The following FANCB variants were observed in gnomAD, a reference collection of about 807,000 sequenced individuals.
FANCB encodes the protein Fanconi anemia group B protein.
In FANCB, 5 loss-of-function variants were observed where a neutral mutation model predicts 38.9. The ratio of observed to expected loss-of-function variants is 0.13; its 90% confidence interval spans 0.07 to 0.27. The LOEUF is 0.27. Ranked by LOEUF, FANCB falls within the 10% of genes least tolerant of loss-of-function variation. The pLI is 1.00. For synonymous variants in FANCB, 236 were observed against 215.4 expected (o/e 1.10, Z -0.84); for missense variants, 573 against 602.7 (o/e 0.95, Z 0.52).
At chrX:14,748,912 T>C in the FANCB span, among the ~76,000 whole-genome samples, 1 of 112,187 alleles carries the variant, frequency 8.9e-6, no homozygotes, top group East Asian at 2.8e-4. Flanking sequence ...CTTGATAGTG[T>C]ATAGAAGACA....
At chrX:14,813,299 T>C in the FANCB span, among the ~76,000 whole-genome samples, 2,684 of 104,630 alleles carry the variant, frequency 0.026, 90 homozygotes, top group African/African-American at 0.09. Context: ...CAACATAGTG[T>C]TGGAAGTTCT....
At chrX:14,811,064 G>C in the FANCB span, among the ~76,000 whole-genome samples, 843 of 109,515 alleles carry the variant, frequency 7.7e-3, 15 homozygotes, top group African/African-American at 0.026. Flanking sequence ...TCCAGCCAAA[G>C]TAAGCTTCAT....
At chrX:14,740,480 C>T in the FANCB span, among the ~76,000 whole-genome samples, 360 of 111,570 alleles carry the variant, frequency 3.2e-3, 1 homozygote, top group African/African-American at 0.011. Context: ...TTTGCACTAG[C>T]CAATTCGTCT....
At chrX:14,741,219 A>T in the FANCB span, among the ~76,000 whole-genome samples, 2 of 111,702 alleles carry the variant, frequency 1.8e-5, no homozygotes, top group Non-Finnish European at 3.8e-5. Flanking sequence ...CACTGTCAAA[A>T]CTTAAGTAGG....
At chrX:14,814,383 C>A in the FANCB span, among the ~76,000 whole-genome samples, 3 of 112,160 alleles carry the variant, frequency 2.7e-5, no homozygotes, top group South Asian at 3.7e-4. Context: ...TCAGAGTGAA[C>A]AGGCAACCTA....
At chrX:14,760,117 C>T in the FANCB span, among the ~76,000 whole-genome samples, 5 of 112,000 alleles carry the variant, frequency 4.5e-5, no homozygotes. Context: ...ACAAAATAAC[C>T]AGCTAACATC....
At position 14,845,145 on chromosome X, in the gene FANCB, T is replaced by A. The variant is rs753355273; in HGVS notation, c.1638A>T (p.Gly546=). The change falls in exon 8 of 10, where the codon GGA becomes GGT. Residue 546 remains glycine, a synonymous_variant. Coordinates refer to ENST00000650831, the MANE Select transcript of FANCB (RefSeq NM_001018113.3). ...TCAACGTGACCCTTTTTGCTTCCAA[T>A]CCTATTTCACATGGCATCAAGTATG... ...PAPYLMPCEI[G]LEAKRVTLTP... is the part of the protein sequence containing the mutation. 6.6e-6 allele frequency: 8 copies of A among 1,211,501 alleles called. No homozygotes were observed. The Middle Eastern group carries it at 1.6e-3, about 244-fold the overall frequency.
chrX:14,729,855 G>A, the FANCB span, among the ~76,000 whole-genome samples: 1 of 112,039 alleles, frequency 8.9e-6, no homozygotes, highest in Non-Finnish European at 1.9e-5. Context: ...GACTTACAGT[G>A]TAACACTGGG....
At chrX:14,858,063 C>A in intron 4 of FANCB, 109 bp from the exon 5 acceptor site, 2 of 532,390 alleles carry the variant, frequency 3.8e-6, no homozygotes, top group Non-Finnish European at 6.3e-6. Context: ...AGAACAGTTT[C>A]CCTAGTGTGT....
chrX:14,728,236 AC>A, the FANCB span, among the ~76,000 whole-genome samples: 8 of 110,283 alleles, frequency 7.3e-5, no homozygotes, highest in Admixed American at 6.8e-4. Flanking sequence ...AAAAAGTTAA[AC>A]AAAAAATTAG....
the FANCB span, among the ~76,000 whole-genome samples, chrX:14,793,456 T>C: frequency 0.014 from 1,575 of 112,248 alleles, 26 homozygotes; most frequent in African/African-American, 0.041. Flanking sequence ...TAGTAATGGC[T>C]GCACAACTCT....
At chrX:14,816,606 ATG>A in the FANCB span, among the ~76,000 whole-genome samples, 1 of 112,186 alleles carries the variant, frequency 8.9e-6, no homozygotes, top group African/African-American at 3.2e-5. Context: ...GCATTGCAGG[ATG>A]TGTTAGCAGC....
the FANCB span, among the ~76,000 whole-genome samples, chrX:14,768,433 G>C: frequency 2.7e-5 from 3 of 110,997 alleles, no homozygotes; most frequent in African/African-American, 9.8e-5. Flanking sequence ...TTGTGAATGG[G>C]CGTTCATTCA....
the FANCB span, among the ~76,000 whole-genome samples, chrX:14,810,541 C>T: frequency 1.8e-5 from 2 of 111,568 alleles, no homozygotes; most frequent in Non-Finnish European, 3.8e-5. Context: ...GGACCTGACA[C>T]GATCAACTGG....
the FANCB span, among the ~76,000 whole-genome samples, chrX:14,818,432 CG>C: frequency 9.4e-6 from 1 of 106,389 alleles, no homozygotes; most frequent in Non-Finnish European, 1.9e-5. Flanking sequence ...AAAACACTGG[CG>C]GGGGGTTGGG....
At chrX:14,847,434 G>A (rs1273370607) in intron 7 of FANCB, among the ~76,000 whole-genome samples, 1 of 111,099 alleles carries the variant, frequency 9.0e-6, no homozygotes, top group Non-Finnish European at 1.9e-5. Flanking sequence ...ATATAGATCA[G>A]AAGAAATTAT....
chrX:14,766,710 G>A, the FANCB span, among the ~76,000 whole-genome samples: 3 of 109,789 alleles, frequency 2.7e-5, no homozygotes, highest in Non-Finnish European at 5.7e-5. Flanking sequence ...AAGTCCAGGG[G>A]TACATGTGCA....
At chrX:14,778,785 C>A in the FANCB span, among the ~76,000 whole-genome samples, 3 of 112,524 alleles carry the variant, frequency 2.7e-5, no homozygotes, top group Non-Finnish European at 5.6e-5. Flanking sequence ...GACCATTTTC[C>A]TTTCAACAGA....
rs763939548 is a variant in FANCB at position 14,853,959 on chromosome X, CAT to C, written c.1198-794_1198-793del. Among the ~76,000 whole-genome samples, 19 of 112,408 alleles carry C rather than the reference CAT, an allele frequency of 1.7e-4. No homozygotes were observed. The South Asian group carries it at 5.0e-3, about 30-fold the overall frequency. ...AGTATTCATCTGGCTTTTAATAAAACATATTTTTCTAGATTTATGCAACAAAA... is the reference window on the plus strand; with the variant it reads ...AGTATTCATCTGGCTTTTAATAAAACATTTTTCTAGATTTATGCAACAAAA... On this transcript the variant is annotated intron_variant, in intron 5 of 9. Transcript: ENST00000650831.
Sources: allele counts gnomAD v4.1 joint callset (sites outside exome capture counted in the v4.1 genomes callset), GRCh38; gene constraint gnomAD v4.1.1; transcripts MANE v1.5; gene names NCBI Gene and HGNC (gene_info 2026-07-23, HGNC 2026-07-21).